PLS3: variants seen among roughly 807,000 people sequenced by gnomAD.
The protein encoded by PLS3 is plastin 3, also known as plastin-3.
PLS3 carries 11 observed loss-of-function variants against 46.5 expected under a neutral mutation model. The observed-to-expected ratio is 0.24, with a 90% CI of 0.15 to 0.39. The LOEUF is 0.39. Ranked by LOEUF, PLS3 falls within the 10% of genes least tolerant of loss-of-function variation. The pLI is 1.00. For synonymous variants in PLS3, 167 were observed against 162.2 expected (o/e 1.03, Z -0.22); for missense variants, 308 against 461.8 (o/e 0.67, Z 3.05).
chrX:115,626,226 T>A (rs2074709057), intron 3 of PLS3, among the ~76,000 whole-genome samples: 1 of 112,250 alleles, frequency 8.9e-6, no homozygotes, highest in Non-Finnish European at 1.9e-5. Context: ...AAAATGCAAA[T>A]TCTTGTGTAG....
rs782019489 is a variant in PLS3, at chrX:115,570,098, G to A, written c.-9+8838G>A. 7.7e-4 allele frequency among the ~76,000 whole-genome samples: 85 copies of A among 110,523 alleles called. 1 individual carries two copies. Among genetic ancestry groups the A allele is most frequent in the South Asian group, 6.3e-3 (16 of 2,554 alleles). On this transcript the variant is annotated intron_variant, in intron 1 of 15. Coordinates refer to ENST00000355899, the MANE Select transcript of PLS3 (RefSeq NM_005032.7). Reference sequence around the variant, plus strand: ...ATTATAGGCTCCTGCCACTGTGCCCGGCTAATTTTTGTATTTTTAGTAGAG... The same window carrying A: ...ATTATAGGCTCCTGCCACTGTGCCCAGCTAATTTTTGTATTTTTAGTAGAG...
At chrX:115,641,216 C>T (rs1025412020) in intron 9 of PLS3, among the ~76,000 whole-genome samples, 33 of 100,623 alleles carry the variant, frequency 3.3e-4, no homozygotes, top group African/African-American at 1.2e-3. Flanking sequence ...AACCATTTTT[C>T]TTCTCTTTCT....
In PLS3 at chrX:115,625,746, A is replaced by G. The variant is rs782363552; in HGVS notation, c.237+3337A>G. Among the ~76,000 whole-genome samples, 3 of 111,635 alleles carry G rather than the reference A, an allele frequency of 2.7e-5. No individual in the cohort carries two copies. The East Asian group carries it at 8.4e-4, about 31-fold the overall frequency. On this transcript the variant is annotated intron_variant, in intron 3 of 15. Coordinates refer to ENST00000355899, the MANE Select transcript of PLS3 (RefSeq NM_005032.7). ...GAAGCCAGTCAATTCTTTTTTTGCA[A>G]TTCTTTCTGAAATCTTTCTTTCTTA...
In PLS3 at chrX:115,640,427, A is replaced by G. The variant is rs1556640849; in HGVS notation, c.911A>G (p.His304Arg). Reference sequence around the variant, plus strand: ...TTGTAGGATTCCAAAGCCTATTTCCATCTTCTCAATCAAATCGCACCAAAA... The same window carrying G: ...TTGTAGGATTCCAAAGCCTATTTCCGTCTTCTCAATCAAATCGCACCAAAA... ...ADIKDSKAYF[H>R]LLNQIAPKGQ... Residue 304 changes from histidine (H) to arginine (R), a missense_variant, in exon 9 of 16, where the codon CAT (histidine) becomes CGT (arginine). By Grantham distance (29) the His-to-Arg change is conservative. Around this residue, in one of 2 missense-constraint regions of PLS3, gnomAD observed 271 missense variants for 435.7 expected, o/e 0.62. Transcript: ENST00000355899. 8.4e-7 allele frequency: 1 copy of G among 1,185,281 alleles called. No homozygotes were observed.
At chrX:115,575,201 G>C (rs2074240374) in intron 1 of PLS3, among the ~76,000 whole-genome samples, 2 of 111,664 alleles carry the variant, frequency 1.8e-5, no homozygotes, top group South Asian at 7.5e-4. Flanking sequence ...TTTATGGCTG[G>C]ATAATATTTC....
At chrX:115,580,642 TC>T (rs2074274806) in intron 1 of PLS3, among the ~76,000 whole-genome samples, 1 of 111,857 alleles carries the variant, frequency 8.9e-6, no homozygotes, top group Admixed American at 9.6e-5. Context: ...TAAGGCTTGT[TC>T]CTTTCCATGT....
chrX:115,588,595 T>C (rs1175212634), intron 1 of PLS3, among the ~76,000 whole-genome samples: 2 of 112,177 alleles, frequency 1.8e-5, no homozygotes, highest in African/African-American at 6.5e-5. Flanking sequence ...ACAAATACAC[T>C]GATAGATCTA....
intron 5 of PLS3, among the ~76,000 whole-genome samples, chrX:115,632,357 G>A (rs2074785803): frequency 9.0e-6 from 1 of 110,652 alleles, no homozygotes; most frequent in South Asian, 3.9e-4. Context: ...GGTACTTGGA[G>A]GCTGAGGTTG....
In PLS3 at chrX:115,647,549, GAT is replaced by G; in HGVS notation, c.1515_1516del (p.Thr506ProfsTer15). On this transcript the variant is annotated frameshift_variant and splice_region_variant, in exon 14 of 16. Transcript: ENST00000355899. LOFTEE classifies it high-confidence loss of function. ...ACGTTTTCTTCTGCTGCCTCTCTTA[GAT>G]ATACCCTCAATGTCCTGGAAGATCT... is the stretch of plus-strand genomic sequence containing the variant. 8.3e-7 allele frequency: 1 copy of G among 1,206,256 alleles called. No homozygotes were observed. Among genetic ancestry groups the G allele is most frequent in the Non-Finnish European group, 1.1e-6 (1 of 890,647 alleles).
At chrX:115,572,875 C>T (rs1043473346) in intron 1 of PLS3, among the ~76,000 whole-genome samples, 15 of 110,608 alleles carry the variant, frequency 1.4e-4, no homozygotes, top group African/African-American at 4.9e-4. Context: ...AAGTGGATAC[C>T]TGTGGTCAGG....
At chrX:115,645,950 T>A (rs1486302457) in intron 11 of PLS3, 122 bp from the exon 12 acceptor site, 1 of 472,611 alleles carries the variant, frequency 2.1e-6, no homozygotes, top group Non-Finnish European at 3.8e-6. Context: ...ATAGAAAATA[T>A]GAGTCTTGGG....
At chrX:115,570,882 G>C (rs73224828) in intron 1 of PLS3, among the ~76,000 whole-genome samples, 1,923 of 100,210 alleles carry the variant, frequency 0.019, 21 homozygotes, top group Middle Eastern at 0.033. Context: ...CCTGTTTATC[G>C]TTTAATTTAT....
intron 1 of PLS3, among the ~76,000 whole-genome samples, chrX:115,563,808 T>G (rs782611805): frequency 5.4e-5 from 6 of 111,671 alleles, no homozygotes; most frequent in Non-Finnish European, 1.1e-4. Context: ...TGGAAATGGA[T>G]TTAAGGTGCA....
rs1335725995 is a variant in PLS3, at chrX:115,587,302, A to G, written c.-8-22941A>G. 5.3e-5 allele frequency among the ~76,000 whole-genome samples: 6 copies of G among 112,586 alleles called. No individual in the cohort carries two copies. In the East Asian group the frequency reaches 1.7e-3, roughly 31 times the overall value. ...ATTAAATCTCAATTCTTAGGTATGC[A>G]TCTTTTTAAATATTGTGTGTGATGA... On this transcript the variant is annotated intron_variant, in intron 1 of 15. Transcript: ENST00000355899.
At chrX:115,644,634 T>A (rs1179256414) in intron 10 of PLS3, among the ~76,000 whole-genome samples, 1 of 83,585 alleles carries the variant, frequency 1.2e-5, no homozygotes, top group Non-Finnish European at 2.6e-5. Flanking sequence ...AAATAAATAA[T>A]GCAAATAGTA....
chrX:115,596,458 C>T (rs1194624915), intron 1 of PLS3, among the ~76,000 whole-genome samples: 3 of 111,671 alleles, frequency 2.7e-5, no homozygotes, highest in African/African-American at 6.5e-5. Context: ...TAGATGTCAT[C>T]ACGCTGAAAG....
chrX:115,633,774 T>G (rs1343422934), intron 5 of PLS3, among the ~76,000 whole-genome samples: 4 of 111,965 alleles, frequency 3.6e-5, no homozygotes, highest in South Asian at 7.4e-4. Flanking sequence ...ATTATAGACA[T>G]CAGCCACCAC....
Position 115,645,079 on chromosome X carries a change from T to C in PLS3, c.1242T>C (p.Pro414=), listed in dbSNP as rs2108099. The C allele has an allele frequency of 0.051, 59,725 of 1,175,750 alleles. 2,980 individuals are homozygous for C. Among genetic ancestry groups the C allele is most frequent in the African/African-American group, 0.33 (18,483 of 56,327 alleles). The change falls in exon 11 of 16, where the codon CCT becomes CCC. Residue 414 remains proline, a synonymous_variant. Transcript: ENST00000355899. ...GGATGAACTCTCTTGGTGTCAATCC[T>C]CACGTAAACCATCTCTATGCGTAAG... ...RNWMNSLGVN[P]HVNHLYADLQ... is the part of the protein sequence containing the mutation.
chrX:115,586,822 T>C lies in PLS3; in HGVS notation c.-8-23421T>C, dbSNP rs5987932. ...GCTGTAGATTTTTGTCTTGCCTGAATTGATATTAAAGAGATGTTTTTTCTT... is the reference window on the plus strand; with the variant it reads ...GCTGTAGATTTTTGTCTTGCCTGAACTGATATTAAAGAGATGTTTTTTCTT... On this transcript the variant is annotated intron_variant, in intron 1 of 15. Coordinates refer to ENST00000355899, the MANE Select transcript of PLS3 (RefSeq NM_005032.7). Among the ~76,000 whole-genome samples, 635 of 112,270 alleles carry C rather than the reference T, an allele frequency of 5.7e-3. 2 individuals carry two copies. Among genetic ancestry groups the C allele is most frequent in the African/African-American group, 0.019 (590 of 30,978 alleles).
Sources: allele counts gnomAD v4.1 joint callset (sites outside exome capture counted in the v4.1 genomes callset), GRCh38; gene constraint gnomAD v4.1.1; regional missense constraint gnomAD v4.1.1; transcripts MANE v1.5; gene names NCBI Gene and HGNC (gene_info 2026-07-23, HGNC 2026-07-21).